Variants in NRG3 observed in about 807,000 individuals in gnomAD.
NRG3 encodes pro-neuregulin-3, membrane-bound isoform.
NRG3 carries 31 observed loss-of-function variants against 66.9 expected under a neutral mutation model. That is an observed-to-expected ratio of 0.46 (90% CI 0.35 to 0.63). The LOEUF (loss-of-function observed/expected upper bound fraction) is 0.63. NRG3 is among the 20% of genes least tolerant of loss of function. NRG3 has a pLI of 0.00. For missense variants in NRG3, 910 were observed against 878.9 expected (o/e 1.04, Z -0.45); for synonymous variants, 393 against 359.4 (o/e 1.09, Z -1.06).
intron 4 of NRG3, among the ~76,000 whole-genome samples, chr10:82,949,616 AGGCCGAGG>A (rs1849329486): frequency 6.6e-6 from 1 of 152,214 alleles, no homozygotes; most frequent in East Asian, 1.9e-4. Context: ...GCACTTTGGG[AGGCCGAGG>A]CAGGCAGATC....
intron 1 of NRG3, among the ~76,000 whole-genome samples, chr10:81,987,457 T>C (rs560941597): frequency 6.6e-6 from 1 of 152,206 alleles, no homozygotes; most frequent in African/African-American, 2.4e-5. Flanking sequence ...TTTGTAACTT[T>C]TAGAAACAAT....
intron 3 of NRG3, among the ~76,000 whole-genome samples, chr10:82,740,902 C>T (rs1254640681): frequency 6.7e-6 from 1 of 150,254 alleles, no homozygotes; most frequent in East Asian, 2.0e-4. Flanking sequence ...TAAAAAATTA[C>T]TTTTATATAA....
At position 82,358,880 on chromosome 10, in the gene NRG3, AG is replaced by A; in HGVS notation, c.953+14del. The stretch of plus-strand genomic sequence containing the variant: ...CATAAACACTGTCGGTAAGCCACTG[AG>A]GCCACTGATGGAAAGGGCAGGCCCG... On this transcript the variant is annotated intron_variant, in intron 2 of 8. Coordinates refer to ENST00000372141, the MANE Select transcript of NRG3 (RefSeq NM_001010848.4). 6.2e-7 allele frequency: 1 copy of A among 1,614,116 alleles called. No individual in the cohort carries two copies. The highest frequency in any genetic ancestry group is 8.5e-7 in the Non-Finnish European group (1 of 1,179,998).
At chr10:82,482,995 G>T (rs1328343546) in intron 2 of NRG3, among the ~76,000 whole-genome samples, 2 of 152,132 alleles carry the variant, frequency 1.3e-5, no homozygotes, top group Non-Finnish European at 2.9e-5. Flanking sequence ...AATCTTGCAA[G>T]GATGCAAGAA....
intron 1 of NRG3, among the ~76,000 whole-genome samples, chr10:82,263,325 G>A (rs1174238651): frequency 1.3e-5 from 2 of 152,094 alleles, no homozygotes; most frequent in Non-Finnish European, 2.9e-5. Context: ...TGAGATTTTT[G>A]CCTCTAAATC....
At chr10:82,667,208 A>T (rs1361450312) in intron 2 of NRG3, among the ~76,000 whole-genome samples, 4 of 152,172 alleles carry the variant, frequency 2.6e-5, no homozygotes, top group Admixed American at 2.6e-4. Context: ...GAGTTGTGAT[A>T]TGATTCTCAT....
At chr10:82,379,036 C>A (rs1169889802) in intron 2 of NRG3, among the ~76,000 whole-genome samples, 2 of 152,110 alleles carry the variant, frequency 1.3e-5, no homozygotes, top group Non-Finnish European at 2.9e-5. Flanking sequence ...GCGCAGGCAG[C>A]CATTTCCCCA....
intron 1 of NRG3, among the ~76,000 whole-genome samples, chr10:82,254,679 C>T (rs2077632050): frequency 6.7e-6 from 1 of 149,658 alleles, no homozygotes. Context: ...ACACACAAAA[C>T]AAAAACAAAA....
intron 2 of NRG3, among the ~76,000 whole-genome samples, chr10:82,495,811 G>GACACACACAC (rs55671097): frequency 0.046 from 6,646 of 144,836 alleles, 332 homozygotes; most frequent in East Asian, 0.12. Flanking sequence ...TTAGAGTGCA[G>GACACACACAC]ACACACACAC....
intron 1 of NRG3, among the ~76,000 whole-genome samples, chr10:82,083,336 G>A (rs1031602555): frequency 1.3e-5 from 2 of 151,766 alleles, no homozygotes; most frequent in African/African-American, 2.4e-5. Context: ...GTACATTATA[G>A]GGAGGAGTCT....
rs1214278622 is a variant in NRG3, at chr10:81,875,222, G to A, written c.-119G>A. The A allele has an allele frequency of 4.2e-6, 2 of 477,420 alleles. No homozygotes were observed. The highest frequency in any genetic ancestry group is 5.4e-6 in the Non-Finnish European group (2 of 368,436). 29.6% of individuals were successfully genotyped at this position (477,420 alleles called of 1,614,324 possible). On this transcript the variant is annotated 5_prime_UTR_variant, in exon 1 of 9. Transcript: ENST00000372141. The surrounding 1 kb of genome is among the most constrained non-coding windows in gnomAD (Gnocchi z 5.3). Reference sequence around the variant, plus strand: ...TTTGCATGCGGCCGCCGCGGCCGCTGCCTGCGCCCGAGCCCGCCGCCGCCG... The same window carrying A: ...TTTGCATGCGGCCGCCGCGGCCGCTACCTGCGCCCGAGCCCGCCGCCGCCG...
In NRG3 at chr10:82,986,560, A is replaced by C. The variant is rs1343464547; in HGVS notation, c.*955A>C. ...TTCCCTCTTAGATCTTTTCACTTTA[A>C]ATTTTTCCATTAAGTATAAAGTTCA... On this transcript the variant is annotated 3_prime_UTR_variant, in exon 9 of 9. Coordinates refer to ENST00000372141, the MANE Select transcript of NRG3 (RefSeq NM_001010848.4). 6.6e-6 allele frequency: 1 copy of C among 152,134 alleles called. No individual in the cohort carries two copies. The highest frequency in any genetic ancestry group is 1.9e-4 in the East Asian group (1 of 5,162). The allele number at this position is 152,134 out of a possible 1,614,324, so 9.4% of individuals were successfully genotyped here.
chr10:82,749,997 G>C (rs1321015245), intron 3 of NRG3, among the ~76,000 whole-genome samples: 1 of 152,124 alleles, frequency 6.6e-6, no homozygotes, highest in African/African-American at 2.4e-5. Flanking sequence ...CATCACATGT[G>C]TCACTAGACA....
chr10:82,009,180 T>C (rs2132616987), intron 1 of NRG3, among the ~76,000 whole-genome samples: 1 of 152,328 alleles, frequency 6.6e-6, no homozygotes, highest in Non-Finnish European at 1.5e-5. Flanking sequence ...TGTTAATGTG[T>C]ATTTAGTCAT....
intron 2 of NRG3, among the ~76,000 whole-genome samples, chr10:82,401,438 T>C (rs898471057): frequency 5.9e-5 from 9 of 152,030 alleles, no homozygotes; most frequent in Non-Finnish European, 1.2e-4. Context: ...ATCTTTTGCT[T>C]CTAGATAGAG....
chr10:82,874,436 G>GAAAA (rs4034897), intron 4 of NRG3, among the ~76,000 whole-genome samples: 2 of 139,964 alleles, frequency 1.4e-5, no homozygotes. Context: ...GACTTATTTG[G>GAAAA]AAAAAAAAAA....
At chr10:82,632,746 C>T (rs909940719) in intron 2 of NRG3, among the ~76,000 whole-genome samples, 2 of 152,066 alleles carry the variant, frequency 1.3e-5, no homozygotes, top group Non-Finnish European at 2.9e-5. Context: ...TGTCTTTGTT[C>T]ATTTACGTTA....
intron 2 of NRG3, among the ~76,000 whole-genome samples, chr10:82,580,342 C>T (rs2046283562): frequency 6.6e-6 from 1 of 151,846 alleles, no homozygotes; most frequent in Non-Finnish European, 1.5e-5. Context: ...AATCACTCCC[C>T]CCCCACAGTT....
At chr10:82,058,493 T>C (rs972800361) in intron 1 of NRG3, among the ~76,000 whole-genome samples, 1 of 151,536 alleles carries the variant, frequency 6.6e-6, no homozygotes, top group African/African-American at 2.4e-5. Context: ...ATGACTCCTT[T>C]TATGTGGTGC....
Sources: gnomAD v4.1 joint callset for allele counts (sites outside exome capture counted in the v4.1 genomes callset) on GRCh38, gnomAD v4.1.1 for gene constraint, Gnocchi (gnomAD v3.1) non-coding constraint, MANE v1.5 for transcripts, NCBI Gene and HGNC (gene_info 2026-07-23, HGNC 2026-07-21) for gene names.